The following CDH12 variants were observed in gnomAD, a reference collection of about 807,000 sequenced individuals.
The protein encoded by CDH12 is cadherin 12, also known as cadherin-12.
CDH12 carries 41 observed loss-of-function variants against 74.1 expected under a neutral mutation model. The observed-to-expected ratio is 0.55, with a 90% confidence interval of 0.43 to 0.72. The LOEUF is 0.72. Among genes scored for constraint, CDH12 ranks in the 30% least tolerant of loss-of-function variants. The pLI, the probability that CDH12 is intolerant of heterozygous loss-of-function variation, is 0.00. For missense variants in CDH12, 945 were observed against 977.2 expected (o/e 0.97, Z 0.44); for synonymous variants, 399 against 355.0 (o/e 1.12, Z -1.39).
chr5:22,501,993 G>T (rs1561452002), intron 2 of CDH12, among the ~76,000 whole-genome samples: 1 of 152,062 alleles, frequency 6.6e-6, no homozygotes, highest in Non-Finnish European at 1.5e-5. Flanking sequence ...GCAGATCCTA[G>T]ATTTGTTTGC....
intron 2 of CDH12, among the ~76,000 whole-genome samples, chr5:22,407,803 A>G (rs1019055853): frequency 8.5e-5 from 13 of 152,094 alleles, no homozygotes; most frequent in African/African-American, 2.2e-4. Flanking sequence ...CACTCAAACA[A>G]TTACCTGTCC....
chr5:22,184,125 A>G (rs1246359862), intron 4 of CDH12, among the ~76,000 whole-genome samples: 1 of 152,028 alleles, frequency 6.6e-6, no homozygotes, highest in Non-Finnish European at 1.5e-5. Flanking sequence ...ATGTTTCTTA[A>G]CTCGGTTTTT....
At chr5:22,143,963 A>G (rs931171888) in intron 4 of CDH12, 2 of 151,968 alleles carry the variant, frequency 1.3e-5, no homozygotes, top group East Asian at 1.9e-4. Context: ...AAAAAAAAAG[A>G]CCTTTGTCAA....
chr5:22,158,208 A>G (rs770305672), intron 4 of CDH12, among the ~76,000 whole-genome samples: 3 of 152,086 alleles, frequency 2.0e-5, no homozygotes, highest in Admixed American at 2.0e-4. Flanking sequence ...GTACTACTTA[A>G]CTTGAATACT....
intron 4 of CDH12, among the ~76,000 whole-genome samples, chr5:22,132,933 A>G (rs918971456): frequency 1.3e-5 from 2 of 152,024 alleles, no homozygotes; most frequent in African/African-American, 4.8e-5. Flanking sequence ...TTGATCAAAC[A>G]TGTTTTGTTT....
intron 11 of CDH12, among the ~76,000 whole-genome samples, chr5:21,772,520 G>T (rs1398582657): frequency 6.6e-6 from 1 of 152,010 alleles, no homozygotes; most frequent in Non-Finnish European, 1.5e-5. Flanking sequence ...TTGATCCACC[G>T]ACCTTGGCCT....
intron 1 of CDH12, among the ~76,000 whole-genome samples, chr5:22,774,684 G>A (rs1403844454): frequency 2.0e-5 from 3 of 152,110 alleles, no homozygotes; most frequent in African/African-American, 7.2e-5. Context: ...TTATTTTGAG[G>A]CCTCCCCAGC....
At chr5:22,051,707 A>G (rs1392265632) in intron 5 of CDH12, among the ~76,000 whole-genome samples, 1 of 152,104 alleles carries the variant, frequency 6.6e-6, no homozygotes, top group Non-Finnish European at 1.5e-5. Flanking sequence ...CATTTTAAGT[A>G]TTTCTCCTCC....
intron 2 of CDH12, among the ~76,000 whole-genome samples, chr5:22,444,154 C>A (rs1189146509): frequency 1.3e-5 from 2 of 151,854 alleles, no homozygotes; most frequent in Admixed American, 6.6e-5. Context: ...TAAATAAATC[C>A]ATTTCATCTT....
chr5:22,666,439 G>A (rs1445284828), intron 1 of CDH12, among the ~76,000 whole-genome samples: 7 of 151,862 alleles, frequency 4.6e-5, no homozygotes, highest in Admixed American at 1.3e-4. Context: ...ACAGGCGCCC[G>A]CCACTACGCC....
intron 2 of CDH12, among the ~76,000 whole-genome samples, chr5:22,422,754 T>A (rs371189792): frequency 6.6e-6 from 1 of 152,202 alleles, no homozygotes; most frequent in Non-Finnish European, 1.5e-5. Flanking sequence ...AAGTTACAGA[T>A]GGGCATTCAT....
intron 5 of CDH12, among the ~76,000 whole-genome samples, chr5:22,040,756 G>C (rs1239771174): frequency 6.6e-6 from 1 of 152,084 alleles, no homozygotes; most frequent in Non-Finnish European, 1.5e-5. Context: ...ACAAGTAAAA[G>C]ATGAGGGAAT....
At chr5:21,902,320 A>C (rs115541563) in intron 6 of CDH12, among the ~76,000 whole-genome samples, 3 of 151,358 alleles carry the variant, frequency 2.0e-5, no homozygotes, top group Non-Finnish European at 2.9e-5. Flanking sequence ...ATATATATAT[A>C]TCTCCCTCGC....
chr5:21,938,047 C>T (rs1379381383), intron 6 of CDH12, among the ~76,000 whole-genome samples: 1 of 152,118 alleles, frequency 6.6e-6, no homozygotes, highest in African/African-American at 2.4e-5. Flanking sequence ...CTGTGCCGAC[C>T]CATGTGATCC....
chr5:22,484,679 A>G (rs1205493869), intron 2 of CDH12, among the ~76,000 whole-genome samples: 3 of 152,242 alleles, frequency 2.0e-5, no homozygotes, highest in Non-Finnish European at 4.4e-5. Context: ...CAAAGTATAA[A>G]GAACAACAAC....
chr5:22,571,519 G>A (rs1372736668), intron 1 of CDH12, among the ~76,000 whole-genome samples: 2 of 152,230 alleles, frequency 1.3e-5, no homozygotes, highest in East Asian at 3.9e-4. Context: ...AGATACGGGG[G>A]TTTCTCTATG....
chr5:22,441,486 T>C (rs979654), intron 2 of CDH12, among the ~76,000 whole-genome samples: 53,891 of 151,944 alleles, frequency 0.35, 9,890 homozygotes, highest in African/African-American at 0.45. Flanking sequence ...ATATTTTTTA[T>C]GTTATTCTAA....
At chr5:22,239,322 T>C (rs1467284868) in intron 3 of CDH12, among the ~76,000 whole-genome samples, 1 of 152,086 alleles carries the variant, frequency 6.6e-6, no homozygotes, top group Non-Finnish European at 1.5e-5. Context: ...CCAGGAAATA[T>C]AATTACTGTG....
At chr5:21,816,114 C>A (rs1748026034) in intron 9 of CDH12, among the ~76,000 whole-genome samples, 1 of 151,954 alleles carries the variant, frequency 6.6e-6, no homozygotes, top group Admixed American at 6.6e-5. Context: ...CTGTGCAGGG[C>A]CACTTATATG....
Sources: allele counts gnomAD v4.1 joint callset (sites outside exome capture counted in the v4.1 genomes callset), GRCh38; gene constraint gnomAD v4.1.1; transcripts MANE v1.5; gene names NCBI Gene and HGNC (gene_info 2026-07-23, HGNC 2026-07-21).